ALOX12B: variants seen among roughly 807,000 people sequenced by gnomAD.
The protein encoded by ALOX12B is arachidonate 12-lipoxygenase, 12R type.
A neutral mutation model predicts 78.9 loss-of-function variants in ALOX12B; 47 were observed. The ratio of observed to expected loss-of-function variants is 0.60; its 90% CI spans 0.47 to 0.76. ALOX12B has a LOEUF of 0.76. ALOX12B is among the 30% of genes least tolerant of loss of function. ALOX12B has a pLI of 0.00. For missense variants in ALOX12B, 805 were observed against 922.6 expected (o/e 0.87, Z 1.65); for synonymous variants, 370 against 374.5 (o/e 0.99, Z 0.14).
chr17:8,080,387 C>A lies in ALOX12B; in HGVS notation c.651-49G>T, dbSNP rs1223817238. On this transcript the variant is annotated intron_variant, in intron 5 of 14. Transcript: ENST00000647874. This position sits in a 1 kb window ranked among gnomAD's most constrained non-coding sequence, Gnocchi z 4.8. ...AGGCCTTCAGAGGGGCTGCCAAGCG[C>A]CGGCTGGGGCAGGTGGCGGGGCCGC... The A allele has an allele frequency of 6.2e-7, 1 of 1,602,502 alleles. No individual in the cohort carries two copies. The highest frequency in any genetic ancestry group is 1.3e-5 in the African/African-American group (1 of 74,652).
Position 8,076,663 on chromosome 17 carries a change from A to C in ALOX12B, c.1356T>G (p.Ser452=). ...TTGGGGGCAGAAGTCTTACCTTGGCAGAGAGCCCCCCCTCATTGAGGAGAA... is the reference window on the plus strand; with the variant it reads ...TTGGGGGCAGAAGTCTTACCTTGGCCGAGAGCCCCCCCTCATTGAGGAGAA... ...RAVLLNEGGL[S]AKGMSLGVEG... The change falls in exon 10 of 15, where the codon TCT becomes TCG. Residue 452 remains serine, a synonymous_variant. Transcript: ENST00000647874. 6.4e-7 allele frequency: 1 copy of C among 1,551,412 alleles called. No homozygotes were observed. The highest frequency in any genetic ancestry group is 2.4e-5 in the East Asian group (1 of 40,928).
In ALOX12B at chr17:8,079,661, G is replaced by T; in HGVS notation, c.927+108C>A. The T allele has an allele frequency of 2.0e-6, 3 of 1,535,128 alleles. No homozygotes were observed. Among genetic ancestry groups the T allele is most frequent in the Non-Finnish European group, 2.6e-6 (3 of 1,137,288 alleles). ...GGTGGGACGGGGACAGGGACGCGGGGTGCGGGCTTGCCTGGGACTGGCGCG... is the reference window on the plus strand; with the variant it reads ...GGTGGGACGGGGACAGGGACGCGGGTTGCGGGCTTGCCTGGGACTGGCGCG... On this transcript the variant is annotated intron_variant, in intron 7 of 14. Coordinates refer to ENST00000647874, the MANE Select transcript of ALOX12B (RefSeq NM_001139.3). This position sits in a 1 kb window ranked among gnomAD's most constrained non-coding sequence, Gnocchi z 6.4.
chr17:8,081,941 C>T (rs1267999486), intron 2 of ALOX12B, among the ~76,000 whole-genome samples: 1 of 152,044 alleles, frequency 6.6e-6, no homozygotes, highest in Non-Finnish European at 1.5e-5. Context: ...CCACACCTGG[C>T]CCATGTGTAC....
Position 8,076,329 on chromosome 17 carries a change from C to A in ALOX12B, c.1378G>T (p.Val460Leu). The A allele has an allele frequency of 6.2e-7, 1 of 1,605,756 alleles. No homozygotes were observed. The highest frequency in any genetic ancestry group is 8.5e-7 in the Non-Finnish European group (1 of 1,176,022). The change falls in exon 11 of 15, where the codon GTG (valine) becomes TTG (leucine). Residue 460 changes from valine to leucine, a missense_variant. Coordinates refer to ENST00000647874, the MANE Select transcript of ALOX12B (RefSeq NM_001139.3). ...GLSAKGMSLGVEGFAGVMVRA... is the reference protein window; with the variant it reads ...GLSAKGMSLGLEGFAGVMVRA... The stretch of plus-strand genomic sequence containing the variant: ...ACCATCACCCCAGCAAAGCCTTCCA[C>A]GCCCAGGGACATGCCCTGTGAGGAA...
rs1977007620 is a variant in ALOX12B, at chr17:8,072,802, G to A, written c.2075C>T (p.Pro692Leu). ...AGAAATGCTGTTCTCAATCAGCACC[G>A]GGTCCAGGTAGTAGTAGGGGATGGG... ...CLPIPYYYLDPVLIENSISI is the reference protein window; with the variant it reads ...CLPIPYYYLDLVLIENSISI Residue 692 changes from proline to leucine, a missense_variant, in exon 15 of 15, where the codon CCG becomes CTG. Transcript: ENST00000647874. 6.2e-7 allele frequency: 1 copy of A among 1,614,238 alleles called. No individual in the cohort carries two copies. The highest frequency in any genetic ancestry group is 8.5e-7 in the Non-Finnish European group (1 of 1,180,044).
rs987598968 is a variant in ALOX12B, at chr17:8,073,740, G to T, written c.1672C>A (p.Arg558=). The change falls in exon 13 of 15, where the codon CGA becomes AGA. Residue 558 remains arginine, a synonymous_variant. Coordinates refer to ENST00000647874, the MANE Select transcript of ALOX12B (RefSeq NM_001139.3). ...TATCGGATCAGCTCAGGCACGGTTC[G>T]CAAGCACCTAGGGAAGCCTGACCGG... is the stretch of plus-strand genomic sequence containing the variant. ...RESSGFPRCL[R]TVPELIRYVT... 7 of 1,613,976 alleles carry T rather than the reference G, an allele frequency of 4.3e-6. No homozygotes were observed. The highest frequency in any genetic ancestry group is 1.7e-5 in the Admixed American group (1 of 60,012).
At chr17:8,072,986 C>G in intron 14 of ALOX12B, 36 bp from the exon 15 acceptor site, 1 of 1,596,716 alleles carries the variant, frequency 6.3e-7, no homozygotes, top group East Asian at 2.2e-5. Context: ...GGACCAGGGC[C>G]GGCCAGCACC....
In ALOX12B at chr17:8,077,128, C is replaced by G. The variant is rs750668635; in HGVS notation, c.1137G>C (p.Leu379=). The part of the protein sequence containing the change: ...FLPSDSEWDW[L]LAKTWVRYAE... ...CATAGCGTACCCACGTCTTGGCTAG[C>G]AGCCAGTCCCACTCAGAATCACTGG... is the stretch of plus-strand genomic sequence containing the variant. Residue 379 remains leucine, a synonymous_variant, in exon 9 of 15, where the codon CTG becomes CTC. Coordinates refer to ENST00000647874, the MANE Select transcript of ALOX12B (RefSeq NM_001139.3). The G allele has an allele frequency of 1.2e-6, 2 of 1,613,548 alleles. No individual in the cohort carries two copies. The highest frequency in any genetic ancestry group is 1.7e-6 in the Non-Finnish European group (2 of 1,179,922).
chr17:8,086,756 G>A (rs1313293228), intron 1 of ALOX12B, among the ~76,000 whole-genome samples: 2 of 152,198 alleles, frequency 1.3e-5, no homozygotes, highest in African/African-American at 4.8e-5. Context: ...TTAAGTCACA[G>A]AGAATCCAGT....
Position 8,086,001 on chromosome 17 carries a change from G to T in ALOX12B, c.352+15C>A. 6.2e-7 allele frequency: 1 copy of T among 1,613,552 alleles called. No homozygotes were observed. The highest frequency in any genetic ancestry group is 1.3e-5 in the African/African-American group (1 of 75,040). On this transcript the variant is annotated intron_variant, in intron 2 of 14. Coordinates refer to ENST00000647874, the MANE Select transcript of ALOX12B (RefSeq NM_001139.3). ...CCTCACGGCCATAGGATGGAGCAGG[G>T]TGATGAGGGCTTACCTGTGGCCTCC...
rs3027303 is a variant in ALOX12B, at chr17:8,085,741, C to T, written c.352+275G>A. 0.17 allele frequency among the ~76,000 whole-genome samples: 26,496 copies of T among 152,140 alleles called. 2,363 individuals carry two copies. Among genetic ancestry groups the T allele is most frequent in the South Asian group, 0.22 (1,058 of 4,818 alleles). ...GGAGGACTGGAGAGGTAGCGGGGAG[C>T]GCACTCTGGGAATGCTGTCTGCTGC... On this transcript the variant is annotated intron_variant, in intron 2 of 14. Transcript: ENST00000647874.
At chr17:8,073,352 A>T (rs1335795782) in intron 13 of ALOX12B, 34 bp from the exon 14 acceptor site, 1 of 1,613,500 alleles carries the variant, frequency 6.2e-7, no homozygotes, top group East Asian at 2.2e-5. Flanking sequence ...GTCTGGGTGG[A>T]AGAGTACCTC....
chr17:8,079,557 T>C lies in ALOX12B; in HGVS notation c.928-18A>G, dbSNP rs1299854679. On this transcript the variant is annotated intron_variant, in intron 7 of 14. Coordinates refer to ENST00000647874, the MANE Select transcript of ALOX12B (RefSeq NM_001139.3). The surrounding 1 kb of genome is among the most constrained non-coding windows in gnomAD (Gnocchi z 6.4). ...TTCCCCTTCTGGAGGGGAGCCGCGATGGGTGGCAAGTAGGCACCCACACGG... is the reference window on the plus strand; with the variant it reads ...TTCCCCTTCTGGAGGGGAGCCGCGACGGGTGGCAAGTAGGCACCCACACGG... The C allele has an allele frequency of 6.5e-7, 1 of 1,549,198 alleles. No individual in the cohort carries two copies. Among genetic ancestry groups the C allele is most frequent in the Admixed American group, 2.0e-5 (1 of 50,984 alleles).
chr17:8,077,673 T>TG (rs891861939), intron 8 of ALOX12B, among the ~76,000 whole-genome samples: 2 of 152,184 alleles, frequency 1.3e-5, no homozygotes, highest in Non-Finnish European at 2.9e-5. Context: ...ACATGACGCT[T>TG]GGGGGGACCT....
chr17:8,081,346 G>T (rs111386462), intron 2 of ALOX12B, 159 bp from the exon 3 acceptor site: 44 of 718,514 alleles, frequency 6.1e-5, no homozygotes, highest in African/African-American at 4.9e-4. Context: ...CGTCCTGTCC[G>T]GAAATATCAG....
intron 9 of ALOX12B, 109 bp downstream of exon 9, chr17:8,076,880 GC>G (rs1321602714): frequency 3.1e-5 from 22 of 716,552 alleles, no homozygotes; most frequent in Non-Finnish European, 4.1e-5. Flanking sequence ...GTCCCCAGAT[GC>G]CCCCCAGGCT....
In ALOX12B at chr17:8,086,282, C is replaced by T. The variant is rs536417801; in HGVS notation, c.148-62G>A. ...TTCACCCCGGCTCCCAGGCCGCCCA[C>T]CCCTCTGGCCCCTCACCTAGGCCCT... On this transcript the variant is annotated intron_variant, in intron 1 of 14. Coordinates refer to ENST00000647874, the MANE Select transcript of ALOX12B (RefSeq NM_001139.3). 2.7e-5 allele frequency: 41 copies of T among 1,515,858 alleles called. No individual in the cohort carries two copies. The East Asian group carries it at 8.9e-4, about 33-fold the overall frequency. 93.9% of individuals were successfully genotyped at this position (1,515,858 alleles called of 1,614,324 possible).
At position 8,072,702 on chromosome 17, in the gene ALOX12B, CTTGT is replaced by C. The variant is rs1447989098; in HGVS notation, c.*65_*68del. ...GTCTCTGAGGTTTTTGTGTTTTTTGCTTGTTTGTTTTGTTTTGTTGAAAATAGTA... is the reference window on the plus strand; with the variant it reads ...GTCTCTGAGGTTTTTGTGTTTTTTGCTTGTTTTGTTTTGTTGAAAATAGTA... On this transcript the variant is annotated 3_prime_UTR_variant, in exon 15 of 15. Transcript: ENST00000647874. 5 of 1,594,680 alleles carry C rather than the reference CTTGT, an allele frequency of 3.1e-6. No homozygotes were observed. Among genetic ancestry groups the C allele is most frequent in the African/African-American group, 1.3e-5 (1 of 74,288 alleles).
Position 8,073,172 on chromosome 17 carries a change from G to C in ALOX12B, c.1902C>G (p.Thr634=). 6.2e-7 allele frequency: 1 copy of C among 1,614,156 alleles called. No individual in the cohort carries two copies. Residue 634 remains threonine, a synonymous_variant, in exon 14 of 15, where the codon ACC becomes ACG. Transcript: ENST00000647874. ...TTCITLLVLW[T]LSREPDDRRP... is the part of the protein sequence containing the mutation. ...CCCTGTCGTCAGGCTCTCGGCTGAG[G>C]GTCCAGAGCACCAGCAGCGTGATGC...
Sources: allele counts gnomAD v4.1 joint callset (sites outside exome capture counted in the v4.1 genomes callset), GRCh38; gene constraint gnomAD v4.1.1; non-coding constraint Gnocchi (gnomAD v3.1); transcripts MANE v1.5; gene names NCBI Gene and HGNC (gene_info 2026-07-23, HGNC 2026-07-21).